PDE6B: variants seen among roughly 807,000 people sequenced by gnomAD.
The protein encoded by PDE6B is phosphodiesterase 6B.
PDE6B carries 106 observed loss-of-function variants against 109.0 expected under a neutral mutation model. The observed-to-expected ratio is 0.97, with a 90% CI of 0.83 to 1.14. PDE6B has a LOEUF of 1.14. Ranked by LOEUF, PDE6B falls within the 50% of genes most tolerant of loss-of-function variation. PDE6B has a pLI of 0.00. For missense variants in PDE6B, 1,193 were observed against 1,155.6 expected (o/e 1.03, Z -0.47); for synonymous variants, 490 against 471.3 (o/e 1.04, Z -0.51).
intron 1 of PDE6B, among the ~76,000 whole-genome samples, chr4:634,255 T>A (rs142623494): frequency 6.6e-6 from 1 of 151,234 alleles, no homozygotes; most frequent in Non-Finnish European, 1.5e-5. Flanking sequence ...CAGGGAAGAG[T>A]GTAGGAGTGT....
intron 2 of PDE6B, among the ~76,000 whole-genome samples, chr4:635,585 C>A (rs1577246652): frequency 6.6e-6 from 1 of 152,182 alleles, no homozygotes; most frequent in Non-Finnish European, 1.5e-5. Flanking sequence ...GCCTGCCTGC[C>A]CGCGTGTTCT....
Position 663,686 on chromosome 4 carries a change from C to A in PDE6B, c.1921-84C>A. ...AGGGCGGGGGCGTGAGAGGCACAGG[C>A]AGCCGAGGCGGAAGGGGCGGGGTCC... is the stretch of plus-strand genomic sequence containing the variant. On this transcript the variant is annotated intron_variant, in intron 15 of 21. Coordinates refer to ENST00000496514, the MANE Select transcript of PDE6B (RefSeq NM_000283.4). This position sits in a 1 kb window ranked among gnomAD's most constrained non-coding sequence, Gnocchi z 4.0. The A allele has an allele frequency of 1.0e-6, 1 of 980,286 alleles. No individual in the cohort carries two copies. Among genetic ancestry groups the A allele is most frequent in the Non-Finnish European group, 1.6e-6 (1 of 617,342 alleles). 60.7% of individuals were successfully genotyped at this position (980,286 alleles called of 1,614,324 possible). A position where few individuals can be genotyped will look rare whatever the true frequency, so the allele number is the denominator to read the frequency against.
intron 3 of PDE6B, among the ~76,000 whole-genome samples, chr4:638,333 A>T (rs545862854): frequency 1.4e-4 from 22 of 151,982 alleles, no homozygotes; most frequent in African/African-American, 5.3e-4. Context: ...TTATTTATTT[A>T]TTTATTGGAG....
Position 662,758 on chromosome 4 carries a change from G to A in PDE6B, c.1832+140G>A. 1 of 704,724 alleles carries A rather than the reference G, an allele frequency of 1.4e-6. No homozygotes were observed. Among genetic ancestry groups the A allele is most frequent in the Admixed American group, 2.0e-5 (1 of 49,444 alleles). 43.7% of individuals were successfully genotyped at this position (704,724 alleles called of 1,614,324 possible). A position where few individuals can be genotyped will look rare whatever the true frequency, so the allele number is the denominator to read the frequency against. On this transcript the variant is annotated intron_variant, in intron 14 of 21. Coordinates refer to ENST00000496514, the MANE Select transcript of PDE6B (RefSeq NM_000283.4). The surrounding 1 kb of genome is among the most constrained non-coding windows in gnomAD (Gnocchi z 4.3). ...GTACTCCAGCACTGTGGGAGGCCAAGGCGAGGGGATTGCTTGAGCCCAGGA... is the reference window on the plus strand; with the variant it reads ...GTACTCCAGCACTGTGGGAGGCCAAAGCGAGGGGATTGCTTGAGCCCAGGA...
At chr4:667,022 G>C (rs1398015271) in intron 20 of PDE6B, among the ~76,000 whole-genome samples, 1 of 152,234 alleles carries the variant, frequency 6.6e-6, no homozygotes, top group Non-Finnish European at 1.5e-5. Flanking sequence ...GGGTCGGCCT[G>C]TCTGCTGGTG....
chr4:625,914 G>A lies in PDE6B; in HGVS notation c.288G>A (p.Met96Ile). The A allele has an allele frequency of 1.2e-6, 2 of 1,602,234 alleles. No individual in the cohort carries two copies. Among genetic ancestry groups the A allele is most frequent in the Non-Finnish European group, 1.7e-6 (2 of 1,175,006 alleles). Residue 96 changes from methionine to isoleucine, a missense_variant, in exon 1 of 22, where the codon ATG becomes ATA. Transcript: ENST00000496514. The surrounding 1 kb of genome is among the most constrained non-coding windows in gnomAD (Gnocchi z 5.0). ...LLQADRCSLFMYRQRNGVAEL... is the reference protein window; with the variant it reads ...LLQADRCSLFIYRQRNGVAEL... ...AGGCCGACCGCTGCAGCCTCTTCAT[G>A]TACCGCCAGCGCAACGGCGTGGCCG...
chr4:660,675 G>T (rs1736964656), intron 12 of PDE6B, 62 bp downstream of exon 12: 1 of 1,467,824 alleles, frequency 6.8e-7, no homozygotes, highest in Admixed American at 1.7e-5. Flanking sequence ...TGGGGGTGGG[G>T]ATGTGATCAG....
At chr4:642,814 T>C (rs769203414) in intron 3 of PDE6B, among the ~76,000 whole-genome samples, 42 of 152,006 alleles carry the variant, frequency 2.8e-4, no homozygotes, top group South Asian at 1.2e-3. Context: ...GTTCTCTCTA[T>C]TTCTAGTTTG....
rs905765138 is a variant in PDE6B at position 666,317 on chromosome 4, G to A, written c.2269-214G>A. Among the ~76,000 whole-genome samples, 2 of 152,144 alleles carry A rather than the reference G, an allele frequency of 1.3e-5. No individual in the cohort carries two copies. The highest frequency in any genetic ancestry group is 6.5e-5 in the Admixed American group (1 of 15,288). ...CGGGCTGGAGCCAACAGCAGCTGTGGGAAGAAGCTGCCCACAGTTCCTAGG... is the reference window on the plus strand; with the variant it reads ...CGGGCTGGAGCCAACAGCAGCTGTGAGAAGAAGCTGCCCACAGTTCCTAGG... On this transcript the variant is annotated intron_variant, in intron 19 of 21. Coordinates refer to ENST00000496514, the MANE Select transcript of PDE6B (RefSeq NM_000283.4). This position sits in a 1 kb window ranked among gnomAD's most constrained non-coding sequence, Gnocchi z 5.6.
At position 670,777 on chromosome 4, in the gene PDE6B, A is replaced by C. The variant is rs1738424179; in HGVS notation, c.*670A>C. ...AGGAATTCAGAATAAAATAAACAGAAAACTACTTGCCCATTATCTGTGGTA... is the reference window on the plus strand; with the variant it reads ...AGGAATTCAGAATAAAATAAACAGACAACTACTTGCCCATTATCTGTGGTA... On this transcript the variant is annotated 3_prime_UTR_variant, in exon 22 of 22. Transcript: ENST00000496514. 1 of 153,092 alleles carries C rather than the reference A, an allele frequency of 6.5e-6. No individual in the cohort carries two copies. Among genetic ancestry groups the C allele is most frequent in the Non-Finnish European group, 1.5e-5 (1 of 68,700 alleles). 9.5% of individuals were successfully genotyped at this position (153,092 alleles called of 1,614,324 possible).
At chr4:638,947 G>T (rs979218774) in intron 3 of PDE6B, among the ~76,000 whole-genome samples, 1 of 152,268 alleles carries the variant, frequency 6.6e-6, no homozygotes, top group African/African-American at 2.4e-5. Flanking sequence ...CCTGGCCATC[G>T]CTCTGGCACA....
intron 20 of PDE6B, among the ~76,000 whole-genome samples, chr4:667,399 A>T (rs1737916585): frequency 6.6e-6 from 1 of 152,070 alleles, no homozygotes; most frequent in South Asian, 2.1e-4. Context: ...GCCCCACTGC[A>T]GGTGCCCCCC....
rs779139841 is a variant in PDE6B, at chr4:657,435, G to A, written c.1342G>A (p.Ala448Thr). Residue 448 changes from alanine (A) to threonine (T), a missense_variant, in exon 10 of 22, where the codon GCA (alanine) becomes ACA (threonine). Transcript: ENST00000496514. ...MNKLENRKDI[A>T]QDMVLYHVKC... ...CAAGCTGGAGAACCGCAAGGACATC[G>A]CACAGGACATGGTCCTTTACCACGT... is the stretch of plus-strand genomic sequence containing the variant. 37 of 1,613,116 alleles carry A rather than the reference G, an allele frequency of 2.3e-5. No individual in the cohort carries two copies. Among genetic ancestry groups the A allele is most frequent in the Non-Finnish European group, 2.9e-5 (34 of 1,179,718 alleles).
intron 7 of PDE6B, 50 bp downstream of exon 7, chr4:656,056 C>A: frequency 8.2e-7 from 1 of 1,221,798 alleles, no homozygotes; most frequent in African/African-American, 1.5e-5. Context: ...TCACTGGGTG[C>A]GGCGATGTGT....
At chr4:630,782 C>T (rs1034071726) in intron 1 of PDE6B, among the ~76,000 whole-genome samples, 3 of 152,226 alleles carry the variant, frequency 2.0e-5, no homozygotes, top group Admixed American at 6.5e-5. Flanking sequence ...CTGTTCCTCT[C>T]GGTCCTAAGG....
At position 662,726 on chromosome 4, in the gene PDE6B, A is replaced by C. The variant is rs1737258646; in HGVS notation, c.1832+108A>C. 4 of 776,208 alleles carry C rather than the reference A, an allele frequency of 5.2e-6. No homozygotes were observed. The highest frequency in any genetic ancestry group is 9.0e-6 in the Non-Finnish European group (4 of 443,514). The allele number at this position is 776,208 out of a possible 1,614,324, so 48.1% of individuals were successfully genotyped here. On this transcript the variant is annotated intron_variant, in intron 14 of 21. Transcript: ENST00000496514. The surrounding 1 kb of genome is among the most constrained non-coding windows in gnomAD (Gnocchi z 4.3). ...TATGTAGAAAGTGGAGTCCACGGCCAGGCCCCGTACTCCAGCACTGTGGGA... is the reference window on the plus strand; with the variant it reads ...TATGTAGAAAGTGGAGTCCACGGCCCGGCCCCGTACTCCAGCACTGTGGGA...
At chr4:647,746 C>A (rs930399912) in intron 3 of PDE6B, among the ~76,000 whole-genome samples, 1 of 151,960 alleles carries the variant, frequency 6.6e-6, no homozygotes, top group Non-Finnish European at 1.5e-5. Context: ...TAGTACACAG[C>A]GGGAACCACC....
At chr4:667,387 C>T (rs559289483) in intron 20 of PDE6B, among the ~76,000 whole-genome samples, 23 of 152,296 alleles carry the variant, frequency 1.5e-4, no homozygotes, top group African/African-American at 4.3e-4. Context: ...CCACAGGTCA[C>T]GGCCCCACTG....
chr4:636,854 C>T lies in PDE6B; in HGVS notation c.711+885C>T, dbSNP rs1419474650. Among the ~76,000 whole-genome samples, 1 of 152,230 alleles carries T rather than the reference C, an allele frequency of 6.6e-6. No homozygotes were observed. Among genetic ancestry groups the T allele is most frequent in the Admixed American group, 6.5e-5 (1 of 15,290 alleles). On this transcript the variant is annotated intron_variant, in intron 3 of 21. Coordinates refer to ENST00000496514, the MANE Select transcript of PDE6B (RefSeq NM_000283.4). This position sits in a 1 kb window ranked among gnomAD's most constrained non-coding sequence, Gnocchi z 4.5. ...CAGTCTGGAAAGGCGGTCAGGGCCC[C>T]TGGGGCATCCAGCCATCCAGCCAGT... is the stretch of plus-strand genomic sequence containing the variant.
Sources: allele counts gnomAD v4.1 joint callset (sites outside exome capture counted in the v4.1 genomes callset), GRCh38; gene constraint gnomAD v4.1.1; non-coding constraint Gnocchi (gnomAD v3.1); transcripts MANE v1.5; gene names NCBI Gene and HGNC (gene_info 2026-07-23, HGNC 2026-07-21).